CACNA1A: variants seen among roughly 807,000 people sequenced by gnomAD.
CACNA1A encodes the protein voltage-dependent P/Q-type calcium channel subunit alpha-1A.
Under a neutral mutation model 262.4 loss-of-function variants are expected in CACNA1A, and 57 were observed. That is an observed-to-expected ratio of 0.22 (90% CI 0.18 to 0.27). CACNA1A has a LOEUF of 0.27. Among genes scored for constraint, CACNA1A ranks in the 10% least tolerant of loss-of-function variants. The pLI, the probability that CACNA1A is intolerant of heterozygous loss-of-function variation, is 1.00. For synonymous variants in CACNA1A, 1,431 were observed against 1,419.3 expected (o/e 1.01, Z -0.18); for missense variants, 2,526 against 3,562.8 (o/e 0.71, Z 7.41).
intron 6 of CACNA1A, among the ~76,000 whole-genome samples, chr19:13,336,250 T>A (rs1411286502): frequency 6.6e-6 from 1 of 152,074 alleles, no homozygotes; most frequent in Non-Finnish European, 1.5e-5. Context: ...ATGGATTAAT[T>A]AATCCCTGGT....
rs2057957466 is a variant in CACNA1A at position 13,308,726 on chromosome 19, G to C, written c.1669-198C>G. The C allele has an allele frequency of 2.0e-6, 1 of 503,082 alleles. No individual in the cohort carries two copies. Among genetic ancestry groups the C allele is most frequent in the Non-Finnish European group, 3.5e-6 (1 of 283,358 alleles). 31.2% of individuals were successfully genotyped at this position (503,082 alleles called of 1,614,324 possible). Reference sequence around the variant, plus strand: ...GGGTCTCACTGTGTCACCCAGGCTGGAGTGCAGTGGCGCAATCATAGCTCA... The same window carrying C: ...GGGTCTCACTGTGTCACCCAGGCTGCAGTGCAGTGGCGCAATCATAGCTCA... On this transcript the variant is annotated intron_variant, in intron 12 of 46. Transcript: ENST00000360228. The surrounding 1 kb of genome is among the most constrained non-coding windows in gnomAD (Gnocchi z 4.2).
At chr19:13,215,621 GT>G (rs34070721) in intron 38 of CACNA1A, among the ~76,000 whole-genome samples, 78,931 of 134,882 alleles carry the variant, frequency 0.59, 22,782 homozygotes, top group East Asian at 0.84. Context: ...CGTCTGGCCT[GT>G]TTTTTTTTTT....
At chr19:13,210,833 C>T (rs924570898) in intron 43 of CACNA1A, 181 bp from the exon 44 acceptor site, 8 of 683,040 alleles carry the variant, frequency 1.2e-5, no homozygotes, top group East Asian at 2.7e-5. Context: ...AAAGTCCTGG[C>T]GGGTGGGTGT....
At chr19:13,433,010 A>T (rs1599443196) in intron 3 of CACNA1A, among the ~76,000 whole-genome samples, 1 of 152,120 alleles carries the variant, frequency 6.6e-6, no homozygotes, top group East Asian at 1.9e-4. Context: ...AAACTTAAAA[A>T]TTAGCCAGGC....
intron 10 of CACNA1A, among the ~76,000 whole-genome samples, chr19:13,318,375 A>G (rs1441718878): frequency 6.6e-6 from 1 of 152,106 alleles, no homozygotes; most frequent in African/African-American, 2.4e-5. Flanking sequence ...GAAAAGAGGA[A>G]GGTGGTGAAG....
chr19:13,477,146 C>T (rs778963979), intron 1 of CACNA1A, among the ~76,000 whole-genome samples: 5 of 152,330 alleles, frequency 3.3e-5, no homozygotes, highest in Admixed American at 6.5e-5. Flanking sequence ...TATACCCCTA[C>T]CTCAGGGCCT....
chr19:13,227,903 CTTTTT>C (rs34218031), intron 36 of CACNA1A, among the ~76,000 whole-genome samples: 10 of 74,260 alleles, frequency 1.3e-4, no homozygotes, highest in East Asian at 1.1e-3. Flanking sequence ...TGTTCATTGC[CTTTTT>C]TTTTTTTTTT....
chr19:13,210,702 A>T (rs764650232), intron 43 of CACNA1A, 50 bp from the exon 44 acceptor site: 33 of 1,540,128 alleles, frequency 2.1e-5, no homozygotes, highest in African/African-American at 2.7e-5. Flanking sequence ...GAAAGAAGAA[A>T]ATAAATATAA....
intron 3 of CACNA1A, among the ~76,000 whole-genome samples, chr19:13,417,761 G>T (rs920258131): frequency 6.6e-6 from 1 of 151,880 alleles, no homozygotes; most frequent in Non-Finnish European, 1.5e-5. Context: ...GTGGTGGTGT[G>T]TGCCTATAAT....
intron 26 of CACNA1A, 34 bp from the exon 27 acceptor site, chr19:13,259,735 G>GA (rs2056678485): frequency 6.2e-7 from 1 of 1,605,866 alleles, no homozygotes; most frequent in South Asian, 1.1e-5. Flanking sequence ...TAGTAAATGG[G>GA]AAAGAGGGGC....
chr19:13,313,097 G>GT (rs1430204365), intron 11 of CACNA1A, among the ~76,000 whole-genome samples: 2 of 152,026 alleles, frequency 1.3e-5, no homozygotes, highest in Non-Finnish European at 2.9e-5. Flanking sequence ...CTGGCCTCAA[G>GT]TGATCCTCCC....
intron 6 of CACNA1A, among the ~76,000 whole-genome samples, chr19:13,352,037 G>C (rs2058920756): frequency 6.6e-6 from 1 of 152,116 alleles, no homozygotes; most frequent in Admixed American, 6.5e-5. Context: ...CTAGGACACT[G>C]TTTGCCTAAG....
In CACNA1A at chr19:13,506,270, C is replaced by T. The variant is rs1165431177; in HGVS notation, c.-46G>A. ...CCGGGTTACGCTGCGGCGAACGATGCGGAAGACGCCGCCGCCGCCGCCGCC... is the reference window on the plus strand; with the variant it reads ...CCGGGTTACGCTGCGGCGAACGATGTGGAAGACGCCGCCGCCGCCGCCGCC... On this transcript the variant is annotated 5_prime_UTR_variant, in exon 1 of 47. Coordinates refer to ENST00000360228, the MANE Select transcript of CACNA1A (RefSeq NM_001127222.2). The T allele has an allele frequency of 2.2e-6, 3 of 1,387,414 alleles. No individual in the cohort carries two copies. Among genetic ancestry groups the T allele is most frequent in the Non-Finnish European group, 2.8e-6 (3 of 1,080,442 alleles). The allele number at this position is 1,387,414 out of a possible 1,614,324, so 85.9% of individuals were successfully genotyped here.
intron 1 of CACNA1A, among the ~76,000 whole-genome samples, chr19:13,497,519 AAAATATATATATATAT>A (rs1981774708): frequency 5.2e-5 from 1 of 19,304 alleles, no homozygotes; most frequent in Non-Finnish European, 8.9e-5. Flanking sequence ...AAAAAAAAAA[AAAATATATATATATAT>A]ATATATATAT....
chr19:13,286,548 T>A lies in CACNA1A; in HGVS notation c.3508A>T (p.Ile1170Phe). 1 of 1,515,364 alleles carries A rather than the reference T, an allele frequency of 6.6e-7. No homozygotes were observed. Among genetic ancestry groups the A allele is most frequent in the Non-Finnish European group, 8.8e-7 (1 of 1,131,516 alleles). 93.9% of individuals were successfully genotyped at this position (1,515,364 alleles called of 1,614,324 possible). The change falls in exon 20 of 47, where the codon ATC becomes TTC. Residue 1170 changes from isoleucine (I) to phenylalanine (F), a missense_variant. Transcript: ENST00000360228. ...AGGGGGGGTGGGCAGGCTGGGGGGA[T>A]GTCCACTGTGGTGTGGTCGGGTTTC... Reference protein sequence around the residue: ...ARKPDHTTVDIPPACPPPLNH... With the variant: ...ARKPDHTTVDFPPACPPPLNH...
chr19:13,312,845 GCT>G, intron 11 of CACNA1A, 64 bp from the exon 12 acceptor site: 1 of 773,122 alleles, frequency 1.3e-6, no homozygotes. Flanking sequence ...GTTCCAGGTG[GCT>G]CTGACTTTCC....
chr19:13,266,254 G>T (rs10411625), intron 24 of CACNA1A, among the ~76,000 whole-genome samples: 152,019 of 152,026 alleles, frequency 1, 76,006 homozygotes, highest in Middle Eastern at 1. Context: ...AATCTCAGGG[G>T]GGAGTGCAGT....
chr19:13,236,789 C>T lies in CACNA1A; in HGVS notation c.4951-1059G>A, dbSNP rs990061306. On this transcript the variant is annotated intron_variant, in intron 31 of 46. Transcript: ENST00000360228. The surrounding 1 kb of genome is among the most constrained non-coding windows in gnomAD (Gnocchi z 4.6). Reference sequence around the variant, plus strand: ...AAAACCCCCTGTCTAGTCACTGCCTCTGCCTCCTCCCACCCAAGCTAGAAG... The same window carrying T: ...AAAACCCCCTGTCTAGTCACTGCCTTTGCCTCCTCCCACCCAAGCTAGAAG... 6.6e-6 allele frequency among the ~76,000 whole-genome samples: 1 copy of T among 152,088 alleles called. No homozygotes were observed. The highest frequency in any genetic ancestry group is 2.4e-5 in the African/African-American group (1 of 41,406).
intron 1 of CACNA1A, among the ~76,000 whole-genome samples, chr19:13,468,308 A>G (rs2061291066): frequency 6.6e-6 from 1 of 151,908 alleles, no homozygotes; most frequent in African/African-American, 2.4e-5. Context: ...TTCTCTAGGG[A>G]CCTCTGAGTG....
Sources: allele counts gnomAD v4.1 joint callset (sites outside exome capture counted in the v4.1 genomes callset), GRCh38; gene constraint gnomAD v4.1.1; non-coding constraint Gnocchi (gnomAD v3.1); transcripts MANE v1.5; gene names NCBI Gene and HGNC (gene_info 2026-07-23, HGNC 2026-07-21).